The following ITGAL variants were observed in gnomAD, a reference collection of about 807,000 sequenced individuals.
The protein encoded by ITGAL is integrin alpha-L.
ITGAL carries 68 observed loss-of-function variants against 138.4 expected under a neutral mutation model. The observed-to-expected ratio is 0.49, with a 90% CI of 0.40 to 0.60. The LOEUF (loss-of-function observed/expected upper bound fraction) is 0.60. Among genes scored for constraint, ITGAL ranks in the 20% least tolerant of loss-of-function variants. The pLI, the probability that ITGAL is intolerant of heterozygous loss-of-function variation, is 0.00. For missense variants in ITGAL, 1,256 were observed against 1,478.6 expected (o/e 0.85, Z 2.47); for synonymous variants, 561 against 584.3 (o/e 0.96, Z 0.57).
chr16:30,499,303 C>G (rs2050849908), intron 16 of ITGAL, 35 bp from the exon 17 acceptor site: 1 of 1,613,150 alleles, frequency 6.2e-7, no homozygotes, highest in African/African-American at 1.3e-5. Flanking sequence ...TGGGATCCCC[C>G]ACCATTTAAC....
intron 11 of ITGAL, among the ~76,000 whole-genome samples, chr16:30,491,089 AAAG>A (rs1597078265): frequency 6.6e-6 from 1 of 151,752 alleles, no homozygotes; most frequent in South Asian, 2.1e-4. Flanking sequence ...GAAAAAAAAA[AAAG>A]AAGAAATGAC....
intron 20 of ITGAL, among the ~76,000 whole-genome samples, chr16:30,506,490 C>T (rs1451093211): frequency 8.0e-6 from 1 of 124,566 alleles, no homozygotes; most frequent in Non-Finnish European, 1.6e-5. Flanking sequence ...ACCCGGGAGG[C>T]GGAGCTTGCA....
intron 25 of ITGAL, among the ~76,000 whole-genome samples, chr16:30,516,298 C>T (rs537264700): frequency 7.2e-4 from 109 of 151,378 alleles, no homozygotes; most frequent in Non-Finnish European, 1.4e-3. Flanking sequence ...GGCATGATCT[C>T]GGCTCACTGC....
intron 29 of ITGAL, among the ~76,000 whole-genome samples, chr16:30,519,502 G>C (rs543179565): frequency 3.3e-4 from 51 of 152,354 alleles, no homozygotes; most frequent in African/African-American, 1.2e-3. Context: ...TCTGTGGTGA[G>C]TGTTGGCAGG....
intron 1 of ITGAL, 51 bp from the exon 2 acceptor site, chr16:30,474,145 T>A: frequency 7.2e-7 from 1 of 1,386,682 alleles, no homozygotes; most frequent in Non-Finnish European, 1.0e-6. Flanking sequence ...GCTGGGCACG[T>A]GCAGGGGCGG....
intron 6 of ITGAL, among the ~76,000 whole-genome samples, chr16:30,479,777 A>G (rs780346752): frequency 1.4e-5 from 2 of 146,062 alleles, no homozygotes; most frequent in African/African-American, 2.6e-5. Context: ...TCAGCCTCCC[A>G]AGTAGCTGGT....
intron 4 of ITGAL, among the ~76,000 whole-genome samples, 200 bp from the exon 5 acceptor site, chr16:30,478,891 C>T (rs1474797891): frequency 6.6e-6 from 1 of 151,940 alleles, no homozygotes; most frequent in Non-Finnish European, 1.5e-5. Context: ...GGTGAGCATC[C>T]ATTGGCATAG....
chr16:30,517,210 G>A, intron 26 of ITGAL, 124 bp downstream of exon 26: 3 of 670,208 alleles, frequency 4.5e-6, no homozygotes, highest in Non-Finnish European at 5.2e-6. Context: ...CCAGCACTTT[G>A]GGAGGCTGAA....
At chr16:30,507,977 C>T (rs2051029269) in intron 21 of ITGAL, among the ~76,000 whole-genome samples, 2 of 151,952 alleles carry the variant, frequency 1.3e-5, no homozygotes, top group African/African-American at 2.4e-5. Context: ...GGCGCGATCT[C>T]GGCTCACTGC....
chr16:30,490,840 C>T (rs564053266), intron 11 of ITGAL, among the ~76,000 whole-genome samples: 5 of 151,822 alleles, frequency 3.3e-5, no homozygotes, highest in Middle Eastern at 3.4e-3. Context: ...CGTGGTGACA[C>T]GCACCTGTAG....
intron 17 of ITGAL, 57 bp downstream of exon 17, chr16:30,499,546 T>A: frequency 6.4e-7 from 1 of 1,555,738 alleles, no homozygotes; most frequent in Non-Finnish European, 8.8e-7. Flanking sequence ...CAGGCTCAGC[T>A]CCGTCACTGT....
At chr16:30,501,680 T>G (rs940665382) in intron 17 of ITGAL, among the ~76,000 whole-genome samples, 10 of 314 alleles carry the variant, frequency 0.032, no homozygotes, top group African/African-American at 0.1. Flanking sequence ...CAGAAAAACT[T>G]AGGGATTTTT....
chr16:30,504,424 C>T (rs979133028), intron 18 of ITGAL, among the ~76,000 whole-genome samples, 160 bp downstream of exon 18: 2 of 151,872 alleles, frequency 1.3e-5, no homozygotes, highest in East Asian at 3.9e-4. Context: ...CCAGCCTGGC[C>T]AACATGGTGA....
At chr16:30,498,263 C>CAA (rs762799726) in intron 15 of ITGAL, among the ~76,000 whole-genome samples, 4,309 of 118,038 alleles carry the variant, frequency 0.037, 170 homozygotes, top group African/African-American at 0.099. Flanking sequence ...AGGAGGATCT[C>CAA]AAAAAAAAAA....
At chr16:30,476,354 C>G (rs2050471720) in intron 4 of ITGAL, among the ~76,000 whole-genome samples, 1 of 152,006 alleles carries the variant, frequency 6.6e-6, no homozygotes, top group Non-Finnish European at 1.5e-5. Flanking sequence ...AACTTAACCT[C>G]ACTTTTCTTC....
chr16:30,486,047 C>T (rs976342401), intron 9 of ITGAL, among the ~76,000 whole-genome samples: 2 of 152,180 alleles, frequency 1.3e-5, no homozygotes, highest in Non-Finnish European at 2.9e-5. Context: ...CACAAGTCTT[C>T]TTTCCTGGCC....
intron 7 of ITGAL, among the ~76,000 whole-genome samples, chr16:30,482,322 T>C (rs554280350): frequency 9.9e-5 from 15 of 152,104 alleles, no homozygotes; most frequent in Admixed American, 7.9e-4. Context: ...AGGACACCAA[T>C]GTGGCCGGAG....
At chr16:30,518,448 CAAAAA>C (rs371321025) in intron 28 of ITGAL, among the ~76,000 whole-genome samples, 171 bp from the exon 29 acceptor site, 1 of 99,680 alleles carries the variant, frequency 1.0e-5, no homozygotes. Context: ...GACTCCATCT[CAAAAA>C]AAAAAAAAAA....
At chr16:30,505,845 C>T (rs1034914621) in intron 20 of ITGAL, among the ~76,000 whole-genome samples, 5 of 152,150 alleles carry the variant, frequency 3.3e-5, no homozygotes, top group African/African-American at 4.8e-5. Context: ...TGCACCCCAG[C>T]CTGGGTGACA....
Sources: allele counts gnomAD v4.1 joint callset (sites outside exome capture counted in the v4.1 genomes callset), GRCh38; gene constraint gnomAD v4.1.1; transcripts MANE v1.5; gene names NCBI Gene and HGNC (gene_info 2026-07-23, HGNC 2026-07-21).